The following CACNA2D3 variants were observed in gnomAD, a reference collection of about 807,000 sequenced individuals.
The protein encoded by CACNA2D3 is calcium voltage-gated channel auxiliary subunit alpha2delta 3.
In CACNA2D3, 60 loss-of-function variants were observed where a neutral mutation model predicts 160.6. The ratio of observed to expected loss-of-function variants is 0.37; its 90% CI spans 0.30 to 0.46. The LOEUF (loss-of-function observed/expected upper bound fraction) is 0.46. Among genes scored for constraint, CACNA2D3 ranks in the 20% least tolerant of loss-of-function variants. The pLI, the probability that CACNA2D3 is intolerant of heterozygous loss-of-function variation, is 1.00. For missense variants in CACNA2D3, 1,205 were observed against 1,365.0 expected (o/e 0.88, Z 1.85); for synonymous variants, 558 against 492.9 (o/e 1.13, Z -1.75).
rs548039361 is a variant in CACNA2D3, at chr3:54,972,358, C to T, written c.2556+2514C>T. On this transcript the variant is annotated intron_variant, in intron 29 of 37. Coordinates refer to ENST00000474759, the MANE Select transcript of CACNA2D3 (RefSeq NM_018398.3). The stretch of plus-strand genomic sequence containing the variant: ...ATTTTGGTTCCAGGCAACCAATTGA[C>T]ACTGTTTTAAATAGAAAAGTCAGTC... 1.3e-4 allele frequency among the ~76,000 whole-genome samples: 20 copies of T among 152,306 alleles called. No homozygotes were observed. In the East Asian group the frequency reaches 3.7e-3, roughly 28 times the overall value.
intron 27 of CACNA2D3, among the ~76,000 whole-genome samples, chr3:54,951,487 CTGTCCTG>C: frequency 6.6e-6 from 1 of 152,352 alleles, no homozygotes; most frequent in East Asian, 1.9e-4. Flanking sequence ...TGGGGGGCTG[CTGTCCTG>C]TGAGTTGTAG....
intron 11 of CACNA2D3, among the ~76,000 whole-genome samples, chr3:54,712,317 T>C (rs1700966609): frequency 6.6e-6 from 1 of 152,214 alleles, no homozygotes. Context: ...AGCTGAACTG[T>C]ATTCCTTTCT....
chr3:54,470,894 G>A (rs900195936), intron 4 of CACNA2D3, among the ~76,000 whole-genome samples: 1 of 152,146 alleles, frequency 6.6e-6, no homozygotes, highest in Non-Finnish European at 1.5e-5. Flanking sequence ...CCCAATACAG[G>A]AGCATTTAGA....
chr3:54,455,347 G>A (rs1235359390), intron 4 of CACNA2D3, among the ~76,000 whole-genome samples: 11 of 152,026 alleles, frequency 7.2e-5, no homozygotes, highest in Admixed American at 6.6e-4. Flanking sequence ...GCGATGTTGA[G>A]CATTTTTTAA....
rs1159994305 is a variant in CACNA2D3 at position 54,885,532 on chromosome 3, T to C, written c.2002T>C (p.Ser668Pro). 4 of 1,613,658 alleles carry C rather than the reference T, an allele frequency of 2.5e-6. No individual in the cohort carries two copies. Among genetic ancestry groups the C allele is most frequent in the Non-Finnish European group, 3.4e-6 (4 of 1,179,802 alleles). The stretch of plus-strand genomic sequence containing the variant: ...CCTACACCCTGAGCACCGCCATCTG[T>C]CTCAGTTAGAAGCGATTAAGCTCTA... ...TDLHPEHRHLSQLEAIKLYLK... is the reference protein window; with the variant it reads ...TDLHPEHRHLPQLEAIKLYLK... The change falls in exon 23 of 38, where the codon TCT becomes CCT. Residue 668 changes from serine (S) to proline (P), a missense_variant. Around this residue, in one of 3 missense-constraint regions of CACNA2D3, gnomAD observed 911 missense variants for 1,002.2 expected, o/e 0.91. Transcript: ENST00000474759.
intron 17 of CACNA2D3, among the ~76,000 whole-genome samples, chr3:54,847,794 A>C (rs1277348204): frequency 6.6e-6 from 1 of 152,214 alleles, no homozygotes; most frequent in Non-Finnish European, 1.5e-5. Flanking sequence ...TGAAGTTTAA[A>C]ACTCTTAGCA....
At chr3:54,925,104 C>G in intron 27 of CACNA2D3, 1 of 1,614,070 alleles carries the variant, frequency 6.2e-7, no homozygotes, top group Non-Finnish European at 8.5e-7. Context: ...TTCGGCCAGA[C>G]CCTGCTGGCT....
At chr3:54,836,464 G>C (rs551301501) in intron 14 of CACNA2D3, among the ~76,000 whole-genome samples, 1 of 151,998 alleles carries the variant, frequency 6.6e-6, no homozygotes, top group Non-Finnish European at 1.5e-5. Flanking sequence ...TCAGTCTCCT[G>C]ACCTCATGAT....
At chr3:54,554,191 C>A (rs1229913035) in intron 5 of CACNA2D3, among the ~76,000 whole-genome samples, 3 of 152,138 alleles carry the variant, frequency 2.0e-5, no homozygotes, top group Non-Finnish European at 4.4e-5. Flanking sequence ...CTTTGACCAC[C>A]CAATTTGGGT....
chr3:54,889,323 G>A (rs913110564), intron 24 of CACNA2D3, among the ~76,000 whole-genome samples: 1 of 152,162 alleles, frequency 6.6e-6, no homozygotes, highest in Non-Finnish European at 1.5e-5. Context: ...TTGCTGTGTG[G>A]AGAACAGAGG....
At chr3:54,285,071 AGACAGTGGGTGCAG>A (rs1474260808) in intron 2 of CACNA2D3, among the ~76,000 whole-genome samples, 1 of 152,192 alleles carries the variant, frequency 6.6e-6, no homozygotes, top group Non-Finnish European at 1.5e-5. Flanking sequence ...AGGGAGTGCC[AGACAGTGGGTGCAG>A]GACAGTGGGT....
intron 2 of CACNA2D3, among the ~76,000 whole-genome samples, chr3:54,202,835 C>T (rs1295945436): frequency 6.6e-6 from 1 of 152,132 alleles, no homozygotes; most frequent in Non-Finnish European, 1.5e-5. Context: ...CAGTAGTGTC[C>T]CTTCTCTCCC....
At chr3:54,838,364 C>T (rs770741744) in intron 15 of CACNA2D3, among the ~76,000 whole-genome samples, 1 of 152,022 alleles carries the variant, frequency 6.6e-6, no homozygotes, top group Non-Finnish European at 1.5e-5. Flanking sequence ...TAATGGTTGG[C>T]CTGAGAAGCT....
intron 15 of CACNA2D3, among the ~76,000 whole-genome samples, chr3:54,838,331 T>G (rs1698741891): frequency 6.6e-6 from 1 of 152,164 alleles, no homozygotes. Flanking sequence ...TTGGTAGGAT[T>G]ATGCGTTGGG....
chr3:54,708,958 A>AT (rs1700903961), intron 11 of CACNA2D3, among the ~76,000 whole-genome samples: 1 of 148,560 alleles, frequency 6.7e-6, no homozygotes, highest in South Asian at 2.1e-4. Context: ...TTAAATAACT[A>AT]TTTTTTACAT....
intron 2 of CACNA2D3, among the ~76,000 whole-genome samples, chr3:54,247,032 C>T (rs10154859): frequency 0.014 from 2,109 of 152,246 alleles, 51 homozygotes; most frequent in African/African-American, 0.047. Context: ...TATCCTACTC[C>T]GGGGCGTGGT....
intron 2 of CACNA2D3, among the ~76,000 whole-genome samples, chr3:54,258,129 G>A (rs149793795): frequency 2.4e-3 from 362 of 152,344 alleles, no homozygotes; most frequent in African/African-American, 8.0e-3. Context: ...ACCCTGGTTA[G>A]ATGGCTATCC....
chr3:54,513,194 C>T (rs371499708), intron 5 of CACNA2D3, among the ~76,000 whole-genome samples: 1 of 152,094 alleles, frequency 6.6e-6, no homozygotes, highest in East Asian at 1.9e-4. Flanking sequence ...GACCTGGGGG[C>T]CCTCAGATGT....
intron 13 of CACNA2D3, among the ~76,000 whole-genome samples, chr3:54,787,800 C>T (rs1702669993): frequency 6.6e-6 from 1 of 152,180 alleles, no homozygotes; most frequent in Non-Finnish European, 1.5e-5. Context: ...AGAGTTATTG[C>T]CTCTTCCTGG....
Sources: allele counts gnomAD v4.1 joint callset (sites outside exome capture counted in the v4.1 genomes callset), GRCh38; gene constraint gnomAD v4.1.1; regional missense constraint gnomAD v4.1.1; transcripts MANE v1.5; gene names NCBI Gene and HGNC (gene_info 2026-07-23, HGNC 2026-07-21).